Variants in SHC2 observed in about 807,000 individuals in gnomAD.
SHC2 encodes the protein SHC adaptor protein 2, also known as SHC-transforming protein 2.
A neutral mutation model predicts 60.6 loss-of-function variants in SHC2; 62 were observed. The ratio of observed to expected loss-of-function variants is 1.02; its 90% confidence interval spans 0.83 to 1.26. SHC2 has a LOEUF of 1.26. Among genes scored for constraint, SHC2 ranks in the 50% most tolerant of loss-of-function variants. The pLI, the probability that SHC2 is intolerant of heterozygous loss-of-function variation, is 0.00. For missense variants in SHC2, 873 were observed against 822.2 expected, an observed-to-expected ratio of 1.06 and a Z score of -0.76; for synonymous variants, 375 against 372.4, an observed-to-expected ratio of 1.01 and a Z score of -0.08.
rs1034963880 is a variant in SHC2 at position 424,394 on chromosome 19, G to A, written c.1309+703C>T. On this transcript the variant is annotated intron_variant, in intron 10 of 12. Coordinates refer to ENST00000264554, the MANE Select transcript of SHC2 (RefSeq NM_012435.3). This position sits in a 1 kb window ranked among gnomAD's most constrained non-coding sequence, Gnocchi z 4.5. The stretch of plus-strand genomic sequence containing the variant: ...CCTCCCCCATCAGGCCGGGATTTCC[G>A]TAGGAAGAATCCTCAGACCCCGGAG... Among the ~76,000 whole-genome samples the A allele has an allele frequency of 6.6e-6, 1 of 151,734 alleles. No individual in the cohort carries two copies. The highest frequency in any genetic ancestry group is 2.4e-5 in the African/African-American group (1 of 41,296).
intron 9 of SHC2, among the ~76,000 whole-genome samples, chr19:429,309 A>T (rs1974504128): frequency 6.7e-6 from 1 of 148,864 alleles, no homozygotes; most frequent in Non-Finnish European, 1.5e-5. Flanking sequence ...CCCAACATGC[A>T]CGGAAACCTA....
At chr19:454,086 C>T (rs1044423803) in intron 1 of SHC2, among the ~76,000 whole-genome samples, 3 of 152,206 alleles carry the variant, frequency 2.0e-5, no homozygotes, top group African/African-American at 7.2e-5. Context: ...AAAGATCAGG[C>T]GTCAAGATTC....
chr19:442,948 T>TAGATGAGG (rs1974937274), intron 1 of SHC2, among the ~76,000 whole-genome samples: 2 of 115,770 alleles, frequency 1.7e-5, no homozygotes, highest in Admixed American at 9.5e-5. Context: ...GGTGGGTGAA[T>TAGATGAGG]GGATGGATGG....
chr19:447,042 T>C (rs376559785), intron 1 of SHC2, among the ~76,000 whole-genome samples: 5 of 152,192 alleles, frequency 3.3e-5, no homozygotes, highest in African/African-American at 1.2e-4. Flanking sequence ...CATAATTGCG[T>C]TTACTTTTTA....
intron 9 of SHC2, among the ~76,000 whole-genome samples, chr19:427,863 C>G (rs1187612448): frequency 5.0e-5 from 5 of 99,104 alleles, no homozygotes; most frequent in Admixed American, 1.3e-4. Flanking sequence ...GAAGGGGGAA[C>G]TGCACACGGC....
At chr19:458,057 C>CCGGGGAGGCAGACGCGGG (rs1568300345) in intron 1 of SHC2, among the ~76,000 whole-genome samples, 2 of 110,582 alleles carry the variant, frequency 1.8e-5, no homozygotes, top group Non-Finnish European at 2.1e-5. Context: ...GGAAGCGGGT[C>CCGGGGAGGCAGACGCGGG]TTGGGGAGGC....
At position 441,677 on chromosome 19, in the gene SHC2, A is replaced by T. The variant is rs1974874081; in HGVS notation, c.469-745T>A. ...GTGGGTGCCAGGAGCCGGGGAATGA[A>T]GGCTGACACGAACAGGTTTCCTACT... On this transcript the variant is annotated intron_variant, in intron 1 of 12. Coordinates refer to ENST00000264554, the MANE Select transcript of SHC2 (RefSeq NM_012435.3). This position sits in a 1 kb window ranked among gnomAD's most constrained non-coding sequence, Gnocchi z 4.9. 6.6e-6 allele frequency among the ~76,000 whole-genome samples: 1 copy of T among 152,258 alleles called. No homozygotes were observed. Among genetic ancestry groups the T allele is most frequent in the Non-Finnish European group, 1.5e-5 (1 of 68,052 alleles).
rs185719018 is a variant in SHC2, at chr19:440,664, C to T, written c.539+198G>A. Among the ~76,000 whole-genome samples, 3 of 152,208 alleles carry T rather than the reference C, an allele frequency of 2.0e-5. No homozygotes were observed. On this transcript the variant is annotated intron_variant, in intron 2 of 12. Transcript: ENST00000264554. The surrounding 1 kb of genome is among the most constrained non-coding windows in gnomAD (Gnocchi z 7.0). ...TTCCATCTTAGAGGATCGAGGTCTG[C>T]AGGGCACGGTGACCGACACCTGGCG...
chr19:460,423 A>T, intron 1 of SHC2, 106 bp downstream of exon 1: 1 of 377,278 alleles, frequency 2.7e-6, no homozygotes, highest in Non-Finnish European at 4.0e-6. Context: ...AGCAGGAAGG[A>T]TGGGGAGGGG....
In SHC2 at chr19:440,806, C is replaced by T; in HGVS notation, c.539+56G>A. 6.7e-7 allele frequency: 1 copy of T among 1,482,162 alleles called. No homozygotes were observed. Among genetic ancestry groups the T allele is most frequent in the East Asian group, 2.3e-5 (1 of 44,110 alleles). The allele number at this position is 1,482,162 out of a possible 1,614,324, so 91.8% of individuals were successfully genotyped here. A position where few individuals can be genotyped will look rare whatever the true frequency, so the allele number is the denominator to read the frequency against. On this transcript the variant is annotated intron_variant, in intron 2 of 12. Transcript: ENST00000264554. This position sits in a 1 kb window ranked among gnomAD's most constrained non-coding sequence, Gnocchi z 7.0. The stretch of plus-strand genomic sequence containing the variant: ...CCATCGCTGCCGCCCTCCAGTGCTG[C>T]CGCCCTCCAGTGCGTCACTCAGCCC...
At chr19:447,426 G>A (rs939488300) in intron 1 of SHC2, among the ~76,000 whole-genome samples, 3 of 152,350 alleles carry the variant, frequency 2.0e-5, no homozygotes, top group Non-Finnish European at 2.9e-5. Context: ...TAAATACACC[G>A]CCCTGCACAG....
chr19:450,547 T>C (rs1186483971), intron 1 of SHC2, among the ~76,000 whole-genome samples: 1 of 152,208 alleles, frequency 6.6e-6, no homozygotes, highest in Non-Finnish European at 1.5e-5. Context: ...TCTGTGAATC[T>C]GATGGCTCTG....
chr19:444,905 C>T (rs1975015779), intron 1 of SHC2, among the ~76,000 whole-genome samples: 2 of 152,230 alleles, frequency 1.3e-5, no homozygotes, highest in Admixed American at 6.5e-5. Context: ...GCAATGGCCC[C>T]TCGGGAAACA....
chr19:448,997 AAAAAATAC>A (rs548620595), intron 1 of SHC2, among the ~76,000 whole-genome samples: 7,679 of 151,432 alleles, frequency 0.051, 643 homozygotes, highest in African/African-American at 0.18. Flanking sequence ...TACAAAAAAA[AAAAAATAC>A]AAAAATACAA....
intron 10 of SHC2, among the ~76,000 whole-genome samples, chr19:423,992 C>T (rs1037326461): frequency 6.6e-6 from 1 of 152,154 alleles, no homozygotes. Context: ...ACACAGCAGG[C>T]GCCCACTAGG....
chr19:435,244 C>T (rs1285998986), intron 7 of SHC2, among the ~76,000 whole-genome samples: 2 of 152,258 alleles, frequency 1.3e-5, no homozygotes, highest in African/African-American at 4.8e-5. Context: ...CGCCCTCTGG[C>T]CCCGATGGCA....
chr19:438,811 G>A lies in SHC2; in HGVS notation c.627C>T (p.Val209=). ...KKAPNKALAS[V]LGKSNLRFAG... is the part of the protein sequence containing the mutation. The stretch of plus-strand genomic sequence containing the variant: ...CAAAGCGAAGGTTGCTCTTGCCCAG[G>A]ACGGACGCCAGGGCCTTGTTGGGGG... The change falls in exon 4 of 13, where the codon GTC becomes GTT. Residue 209 remains valine, a synonymous_variant. Coordinates refer to ENST00000264554, the MANE Select transcript of SHC2 (RefSeq NM_012435.3). The surrounding 1 kb of genome is among the most constrained non-coding windows in gnomAD (Gnocchi z 5.0). 1.3e-6 allele frequency: 2 copies of A among 1,572,918 alleles called. No individual in the cohort carries two copies. Among genetic ancestry groups the A allele is most frequent in the South Asian group, 2.3e-5 (2 of 85,468 alleles).
intron 1 of SHC2, among the ~76,000 whole-genome samples, chr19:454,733 T>C (rs1300776194): frequency 6.6e-6 from 1 of 151,374 alleles, no homozygotes; most frequent in African/African-American, 2.4e-5. Flanking sequence ...GAGGTTGCGG[T>C]GAGCCGAGAT....
intron 9 of SHC2, among the ~76,000 whole-genome samples, chr19:429,678 C>T (rs55722600): frequency 7.1e-6 from 1 of 139,958 alleles, no homozygotes; most frequent in Non-Finnish European, 1.6e-5. Flanking sequence ...GTGTGGATGA[C>T]GCAGTACCTA....
Sources: allele counts gnomAD v4.1 joint callset (sites outside exome capture counted in the v4.1 genomes callset), GRCh38; gene constraint gnomAD v4.1.1; non-coding constraint Gnocchi (gnomAD v3.1); transcripts MANE v1.5; gene names NCBI Gene and HGNC (gene_info 2026-07-23, HGNC 2026-07-21).